C1orf141: variants seen among roughly 807,000 people sequenced by gnomAD.
C1orf141 encodes uncharacterized protein C1orf141.
In C1orf141, 19 loss-of-function variants were observed where a neutral mutation model predicts 23.2. That is an observed-to-expected ratio of 0.82 (90% CI 0.57 to 1.20). The LOEUF (loss-of-function observed/expected upper bound fraction) is 1.20, where lower values mean the gene tolerates loss of function less well. C1orf141 is among the 50% of genes most tolerant of loss of function. C1orf141 has a pLI of 0.00. For missense variants in C1orf141, 469 were observed against 455.1 expected, an observed-to-expected ratio of 1.03 and a Z score of -0.28; for synonymous variants, 153 against 154.6, an observed-to-expected ratio of 0.99 and a Z score of 0.08.
intron 1 of C1orf141, among the ~76,000 whole-genome samples, chr1:67,133,638 G>A (rs1249016601): frequency 6.6e-6 from 1 of 152,206 alleles, no homozygotes; most frequent in East Asian, 1.9e-4. Flanking sequence ...CATTTAAAGA[G>A]TAAAGTTAAA....
rs754555112 is a variant in C1orf141 at position 67,093,396 on chromosome 1, GT to G, written c.811del (p.Thr271LeufsTer23). ...QSISLFKPQK[T>X]MPTVQRKDIQ... ...ATCTTTTCTCTGTACTGTAGGCATA[GT>G]TTTTTGGGGTTTGAAAAGAGAAATA... On this transcript the variant is annotated frameshift_variant, in exon 8 of 8. Transcript: ENST00000684719. LOFTEE classifies it low-confidence loss of function (END_TRUNC). The G allele has an allele frequency of 6.8e-6, 11 of 1,612,858 alleles. No individual in the cohort carries two copies. In the East Asian group the frequency reaches 2.0e-4, roughly 29 times the overall value.
intron 5 of C1orf141, among the ~76,000 whole-genome samples, chr1:67,101,417 A>G (rs1645795786): frequency 6.7e-6 from 1 of 150,128 alleles, no homozygotes; most frequent in Non-Finnish European, 1.5e-5. Flanking sequence ...TATCATTGGT[A>G]ACAAACTCCA....
intron 5 of C1orf141, among the ~76,000 whole-genome samples, chr1:67,098,870 G>T (rs958287002): frequency 2.0e-5 from 3 of 152,034 alleles, no homozygotes; most frequent in African/African-American, 7.2e-5. Flanking sequence ...TTGGAAGTAA[G>T]AAATATAAAT....
upstream of C1orf141, among the ~76,000 whole-genome samples, chr1:67,135,457 T>C (rs928196022): frequency 2.6e-5 from 4 of 152,218 alleles, no homozygotes; most frequent in Non-Finnish European, 4.4e-5. Context: ...GTGTGGTTAG[T>C]AAAATCACCA....
At chr1:67,103,152 G>C (rs1219994945) in intron 5 of C1orf141, 5 of 672,080 alleles carry the variant, frequency 7.4e-6, no homozygotes, top group Non-Finnish European at 1.1e-5. Flanking sequence ...AATATTCCTT[G>C]GATAAAGATT....
intron 4 of C1orf141, chr1:67,122,754 T>C (rs2102484641): frequency 1.3e-5 from 2 of 152,364 alleles, no homozygotes; most frequent in Non-Finnish European, 2.9e-5. Flanking sequence ...TATAATTATT[T>C]TAATGTCTTC....
intron 5 of C1orf141, among the ~76,000 whole-genome samples, chr1:67,100,554 GT>G (rs1482732501): frequency 6.6e-6 from 1 of 152,100 alleles, no homozygotes; most frequent in Non-Finnish European, 1.5e-5. Context: ...TATTGTTTAA[GT>G]TTTTTCCTGG....
chr1:67,124,520 T>C (rs1399660210), intron 4 of C1orf141, among the ~76,000 whole-genome samples: 1 of 152,148 alleles, frequency 6.6e-6, no homozygotes, highest in African/African-American at 2.4e-5. Context: ...GGTTTCACCA[T>C]GTTGCTCAGG....
chr1:67,136,510 T>C (rs1322974923), upstream of C1orf141, among the ~76,000 whole-genome samples: 3 of 152,222 alleles, frequency 2.0e-5, no homozygotes, highest in Non-Finnish European at 4.4e-5. Flanking sequence ...TTCTTAAGAA[T>C]TCAGTTCAGA....
chr1:67,109,050 C>T (rs879450231), intron 5 of C1orf141, among the ~76,000 whole-genome samples: 7 of 151,932 alleles, frequency 4.6e-5, no homozygotes, highest in Admixed American at 2.6e-4. Flanking sequence ...AAAAGTAGGC[C>T]GGTGCGGTGG....
chr1:67,120,114 A>G (rs560765931), intron 4 of C1orf141, among the ~76,000 whole-genome samples: 1 of 152,346 alleles, frequency 6.6e-6, no homozygotes, highest in Admixed American at 6.5e-5. Flanking sequence ...AAACCTTAGG[A>G]TCTCATAGAG....
rs534879407 is a variant in C1orf141, at chr1:67,111,762, T to C, written c.346+3590A>G. 6.9e-3 allele frequency: 3,155 copies of C among 454,408 alleles called. 19 individuals carry two copies. The highest frequency in any genetic ancestry group is 0.012 in the Admixed American group (287 of 23,032). The allele number at this position is 454,408 out of a possible 1,614,324, so 28.1% of individuals were successfully genotyped here. On this transcript the variant is annotated intron_variant, in intron 5 of 7. Transcript: ENST00000684719. ...AATGTAAAAGAATAATTTTATTTAC[T>C]TACATATGCATTGCTTGTACATGGT...
At chr1:67,135,093 C>T (rs1646574188), upstream of C1orf141, 1 of 152,316 alleles carries the variant, frequency 6.6e-6, no homozygotes, top group African/African-American at 2.4e-5. Context: ...GGGCTTCGCC[C>T]ACAGACTTTT....
intron 5 of C1orf141, chr1:67,103,314 AC>A (rs1377662393): frequency 6.7e-7 from 1 of 1,494,810 alleles, no homozygotes; most frequent in Non-Finnish European, 9.0e-7. Context: ...AGTCTGTAGA[AC>A]CCAGTGATCT....
In C1orf141 at chr1:67,125,907, T is replaced by C. The variant is rs1646401050; in HGVS notation, c.78A>G (p.Ile26Met). 1 of 1,591,526 alleles carries C rather than the reference T, an allele frequency of 6.3e-7. No homozygotes were observed. Among genetic ancestry groups the C allele is most frequent in the South Asian group, 1.2e-5 (1 of 86,484 alleles). The change falls in exon 4 of 8, where the codon ATA (isoleucine) becomes ATG (methionine). Residue 26 changes from isoleucine (I) to methionine (M), a missense_variant and splice_region_variant. Coordinates refer to ENST00000684719, the MANE Select transcript of C1orf141 (RefSeq NM_001276351.2). ...TTCTTCCTTCACTCTGAAGCCTGTT[T>C]ATCTGCAGCAATGCCAAAGTGAAAA... ...AEIILARRTKINRLQSEGRKT... is the reference protein window; with the variant it reads ...AEIILARRTKMNRLQSEGRKT...
chr1:67,138,771 T>C (rs879570811), upstream of C1orf141: 2 of 152,378 alleles, frequency 1.3e-5, no homozygotes, highest in Non-Finnish European at 2.9e-5. Flanking sequence ...TGTCTTTTCA[T>C]GCTGTTCCCT....
At position 67,130,124 on chromosome 1, in the gene C1orf141, T is replaced by C. The variant is rs142360278; in HGVS notation, c.-18+1018A>G. ...ATTATGATTATGTGGACATATTTTC[T>C]TTTCAGACCCAAGAAACATCCCTCT... is the stretch of plus-strand genomic sequence containing the variant. On this transcript the variant is annotated intron_variant, in intron 2 of 7. Coordinates refer to ENST00000684719, the MANE Select transcript of C1orf141 (RefSeq NM_001276351.2). Among the ~76,000 whole-genome samples the C allele has an allele frequency of 4.7e-3, 720 of 152,306 alleles. 3 individuals are homozygous for C. Among genetic ancestry groups the C allele is most frequent in the African/African-American group, 0.016 (680 of 41,562 alleles).
chr1:67,101,134 T>C (rs529187620), intron 5 of C1orf141, among the ~76,000 whole-genome samples: 12 of 152,280 alleles, frequency 7.9e-5, no homozygotes, highest in Non-Finnish European at 1.3e-4. Context: ...TGCACAGTTA[T>C]CGTTGGTCAC....
chr1:67,116,990 GTTTA>G (rs976141124), intron 4 of C1orf141, among the ~76,000 whole-genome samples: 14 of 151,922 alleles, frequency 9.2e-5, no homozygotes, highest in East Asian at 5.8e-4. Flanking sequence ...ATATTCATTT[GTTTA>G]TTTAGTTTAT....
Sources: allele counts gnomAD v4.1 joint callset (sites outside exome capture counted in the v4.1 genomes callset), GRCh38; gene constraint gnomAD v4.1.1; transcripts MANE v1.5; gene names NCBI Gene and HGNC (gene_info 2026-07-23, HGNC 2026-07-21).